Variants in GK observed in about 807,000 individuals in gnomAD.
The protein encoded by GK is glycerol kinase.
Under a neutral mutation model 56.4 loss-of-function variants are expected in GK, and 9 were observed. The ratio of observed to expected loss-of-function variants is 0.16; its 90% CI spans 0.10 to 0.28. GK has a LOEUF of 0.28. Among genes scored for constraint, GK ranks in the 10% least tolerant of loss-of-function variants. The pLI is 1.00. For missense variants in GK, 161 were observed against 431.4 expected, an observed-to-expected ratio of 0.37 and a Z score of 5.55; for synonymous variants, 104 against 144.1, an observed-to-expected ratio of 0.72 and a Z score of 1.99.
intron 2 of GK, 117 bp from the exon 3 acceptor site, chrX:30,667,895 T>A: frequency 2.0e-6 from 1 of 507,702 alleles, no homozygotes; most frequent in Non-Finnish European, 3.5e-6. Context: ...TTGCTTTGCT[T>A]AATCTGGTTT....
At chrX:30,678,022 C>G (rs768883650) in intron 4 of GK, 12 of 547,626 alleles carry the variant, frequency 2.2e-5, no homozygotes, top group Non-Finnish European at 4.0e-5. Flanking sequence ...GAATGTTTGC[C>G]AAATTGTTTT....
Position 30,697,653 on chromosome X carries a change from A to T in GK, c.730-79A>T, listed in dbSNP as rs1935309071. The T allele has an allele frequency of 5.5e-6, 4 of 725,528 alleles. No individual in the cohort carries two copies. In the East Asian group the frequency reaches 1.3e-4, roughly 23 times the overall value. The allele number at this position is 725,528 out of a possible 1,213,427, so 59.8% of individuals were successfully genotyped here. A position where few individuals can be genotyped will look rare whatever the true frequency, so the allele number is the denominator to read the frequency against. ...GTTTCACAGGATGGTTAGAAAAAAA[A>T]ACGTGGAACTGGCCTAGTTTTCTCT... On this transcript the variant is annotated intron_variant, in intron 8 of 20. Coordinates refer to ENST00000427190, the MANE Select transcript of GK (RefSeq NM_001205019.2).
intron 2 of GK, 101 bp from the exon 3 acceptor site, chrX:30,667,911 A>T: frequency 1.9e-6 from 1 of 531,461 alleles, no homozygotes; most frequent in Non-Finnish European, 3.4e-6. Context: ...GGTTTTCTTT[A>T]ATGTATGCAC....
chrX:30,696,108 CT>C lies in GK; in HGVS notation c.623del (p.Phe208SerfsTer35). The C allele has an allele frequency of 8.7e-7, 1 of 1,146,190 alleles. No homozygotes were observed. Among genetic ancestry groups the C allele is most frequent in the Non-Finnish European group, 1.2e-6 (1 of 836,147 alleles). The allele number at this position is 1,146,190 out of a possible 1,213,427, so 94.5% of individuals were successfully genotyped here. On this transcript the variant is annotated frameshift_variant, in exon 7 of 21. Coordinates refer to ENST00000427190, the MANE Select transcript of GK (RefSeq NM_001205019.2). LOFTEE classifies it high-confidence loss of function. ...TDVTNASRTM[L>X]FNIHSLEWDK... The stretch of plus-strand genomic sequence containing the variant: ...TGTAACAAATGCAAGTAGGACTATG[CT>C]TTTCAACATTCATTCTTTGGAATGG...
At chrX:30,728,063 T>C (rs1324945854) in intron 20 of GK, among the ~76,000 whole-genome samples, 1 of 111,822 alleles carries the variant, frequency 8.9e-6, no homozygotes, top group Non-Finnish European at 1.9e-5. Flanking sequence ...GTTAAAAGAA[T>C]ATCTTTTATG....
chrX:30,662,080 A>G (rs1932777408), intron 1 of GK, among the ~76,000 whole-genome samples: 1 of 112,053 alleles, frequency 8.9e-6, no homozygotes, highest in Non-Finnish European at 1.9e-5. Context: ...TGTCCAGTAC[A>G]ATAGCCACTG....
At chrX:30,671,239 C>T (rs907376597) in intron 3 of GK, among the ~76,000 whole-genome samples, 1 of 97,007 alleles carries the variant, frequency 1.0e-5, no homozygotes, top group East Asian at 3.2e-4. Flanking sequence ...TGCAGTGAGC[C>T]GAGATGGCGC....
chrX:30,662,869 C>CTT (rs10644351), intron 1 of GK, among the ~76,000 whole-genome samples: 8,523 of 60,181 alleles, frequency 0.14, 754 homozygotes, highest in Middle Eastern at 0.24. Flanking sequence ...TTCTTTCTTT[C>CTT]TCTTTCTTTC....
chrX:30,712,040 A>C (rs921794279), intron 13 of GK, among the ~76,000 whole-genome samples: 2 of 112,483 alleles, frequency 1.8e-5, no homozygotes, highest in African/African-American at 6.5e-5. Flanking sequence ...GAGCATGTGC[A>C]TGCATATCTG....
chrX:30,678,124 A>C (rs1934038941), intron 4 of GK: 3 of 489,469 alleles, frequency 6.1e-6, no homozygotes, highest in African/African-American at 4.6e-5. Context: ...ATTTTTCTAT[A>C]AAGTACTTGT....
intron 3 of GK, among the ~76,000 whole-genome samples, chrX:30,673,075 G>T (rs1238864622): frequency 8.9e-6 from 1 of 111,861 alleles, no homozygotes; most frequent in Admixed American, 9.5e-5. Context: ...TTTCTTAACT[G>T]TGATTATAAC....
chrX:30,692,348 C>A (rs1205130649), intron 5 of GK, among the ~76,000 whole-genome samples: 2 of 111,819 alleles, frequency 1.8e-5, no homozygotes, highest in Non-Finnish European at 3.8e-5. Context: ...GCAACTTTTA[C>A]ACTTTCTACC....
intron 3 of GK, among the ~76,000 whole-genome samples, chrX:30,674,679 A>T (rs909159472): frequency 2.1e-4 from 23 of 109,936 alleles, no homozygotes; most frequent in East Asian, 5.6e-4. Flanking sequence ...TTTTTTAAAA[A>T]ATATATATAT....
chrX:30,696,419 G>A (rs1311073230), intron 7 of GK, among the ~76,000 whole-genome samples, 198 bp from the exon 8 acceptor site: 1 of 111,805 alleles, frequency 8.9e-6, no homozygotes, highest in Non-Finnish European at 1.9e-5. Flanking sequence ...TTATTGATTG[G>A]CTTGCATAAA....
intron 11 of GK, among the ~76,000 whole-genome samples, chrX:30,702,386 G>A (rs1315662062): frequency 1.8e-5 from 2 of 112,317 alleles, no homozygotes; most frequent in East Asian, 2.8e-4. Flanking sequence ...CCAATTATAC[G>A]TATTCATGAA....
intron 1 of GK, among the ~76,000 whole-genome samples, chrX:30,656,063 C>T (rs1042942625): frequency 9.8e-5 from 11 of 112,008 alleles, no homozygotes; most frequent in East Asian, 8.4e-4. Context: ...ATAAAAAAAC[C>T]GTAGAGATCC....
chrX:30,704,764 GT>G (rs1332764816), intron 11 of GK, among the ~76,000 whole-genome samples: 1 of 110,528 alleles, frequency 9.0e-6, no homozygotes, highest in African/African-American at 3.3e-5. Context: ...TAGAGACGGG[GT>G]TTCACCATGT....
chrX:30,672,806 CTCTG>C (rs1461190667), intron 3 of GK, among the ~76,000 whole-genome samples: 1 of 111,149 alleles, frequency 9.0e-6, no homozygotes, highest in Non-Finnish European at 1.9e-5. Context: ...AACATCGAAA[CTCTG>C]TCTCAAAAAA....
intron 8 of GK, among the ~76,000 whole-genome samples, chrX:30,697,309 C>A (rs184065336): frequency 9.0e-6 from 1 of 111,302 alleles, no homozygotes; most frequent in East Asian, 2.8e-4. Context: ...GGTGTTTGAG[C>A]ACAAAAATCT....
Sources: gnomAD v4.1 joint callset for allele counts (sites outside exome capture counted in the v4.1 genomes callset) on GRCh38, gnomAD v4.1.1 for gene constraint, MANE v1.5 for transcripts, NCBI Gene and HGNC (gene_info 2026-07-23, HGNC 2026-07-21) for gene names.